Variants in ARNT2 observed in about 807,000 individuals in gnomAD.
The protein encoded by ARNT2 is aryl hydrocarbon receptor nuclear translocator 2.
A neutral mutation model predicts 91.7 loss-of-function variants in ARNT2; 36 were observed. The ratio of observed to expected loss-of-function variants is 0.39; its 90% CI spans 0.30 to 0.52. ARNT2 has a LOEUF of 0.52. Among genes scored for constraint, ARNT2 ranks in the 20% least tolerant of loss-of-function variants. The pLI, the probability that ARNT2 is intolerant of heterozygous loss-of-function variation, is 0.72. For missense variants in ARNT2, 775 were observed against 939.3 expected, an observed-to-expected ratio of 0.83 and a Z score of 2.29; for synonymous variants, 365 against 347.1, an observed-to-expected ratio of 1.05 and a Z score of -0.57.
chr15:80,404,597 C>A lies in ARNT2; in HGVS notation c.31+51C>A. On this transcript the variant is annotated intron_variant, in intron 1 of 18. Transcript: ENST00000303329. The surrounding 1 kb of genome is among the most constrained non-coding windows in gnomAD (Gnocchi z 5.5). ...CCCGCCGCAGCCCGCAGGCCTTGCC[C>A]GGGGCCGGAGCGGACCAGGCGCGCC... is the stretch of plus-strand genomic sequence containing the variant. 2 of 1,035,398 alleles carry A rather than the reference C, an allele frequency of 1.9e-6. No individual in the cohort carries two copies. The highest frequency in any genetic ancestry group is 2.3e-6 in the Non-Finnish European group (2 of 863,082). 64.1% of individuals were successfully genotyped at this position (1,035,398 alleles called of 1,614,324 possible).
chr15:80,554,693 T>G (rs941064731), intron 10 of ARNT2: 1 of 168,674 alleles, frequency 5.9e-6, no homozygotes, highest in African/African-American at 2.4e-5. Context: ...CAATTCCAGT[T>G]TTCATAAGCA....
chr15:80,439,451 TAGCTGA>T (rs1896152838), intron 1 of ARNT2, among the ~76,000 whole-genome samples: 1 of 152,228 alleles, frequency 6.6e-6, no homozygotes, highest in Non-Finnish European at 1.5e-5. Flanking sequence ...GCAAATAGTG[TAGCTGA>T]AGCTGAACTT....
chr15:80,465,152 A>G (rs9972551), intron 3 of ARNT2, among the ~76,000 whole-genome samples: 5,653 of 152,302 alleles, frequency 0.037, 364 homozygotes, highest in African/African-American at 0.13. Flanking sequence ...AACTTGAGCC[A>G]TGCACAGTTT....
chr15:80,419,404 G>C (rs1368040946), intron 1 of ARNT2, among the ~76,000 whole-genome samples: 1 of 152,216 alleles, frequency 6.6e-6, no homozygotes, highest in African/African-American at 2.4e-5. Flanking sequence ...AGGAAATAAA[G>C]GTGGTCGAAC....
chr15:80,530,447 T>C (rs1897719887), intron 8 of ARNT2, among the ~76,000 whole-genome samples: 1 of 152,192 alleles, frequency 6.6e-6, no homozygotes, highest in East Asian at 1.9e-4. Context: ...CCATGGTGGC[T>C]GTAAGCTTGT....
chr15:80,481,047 A>G (rs1271866704), intron 5 of ARNT2, among the ~76,000 whole-genome samples: 2 of 152,132 alleles, frequency 1.3e-5, no homozygotes, highest in African/African-American at 4.8e-5. Context: ...CTTTGTGATA[A>G]TTTGTAGAGA....
At chr15:80,440,968 A>G (rs1896179446) in intron 1 of ARNT2, among the ~76,000 whole-genome samples, 1 of 152,232 alleles carries the variant, frequency 6.6e-6, no homozygotes, top group African/African-American at 2.4e-5. Context: ...TTTGGGAATC[A>G]TGTGCCCTGT....
At chr15:80,505,942 T>TTTTTTTTTTTC in intron 5 of ARNT2, among the ~76,000 whole-genome samples, 1 of 142,694 alleles carries the variant, frequency 7.0e-6, no homozygotes, top group Non-Finnish European at 1.5e-5. Flanking sequence ...TTTTTTTTTT[T>TTTTTTTTTTTC]TTTTTGAGAC....
chr15:80,488,594 A>G (rs1036735276), intron 5 of ARNT2: 1 of 152,058 alleles, frequency 6.6e-6, no homozygotes, highest in Non-Finnish European at 1.5e-5. Context: ...ATTTCTGTGA[A>G]CTCGACTGTA....
intron 5 of ARNT2, among the ~76,000 whole-genome samples, chr15:80,494,217 T>C (rs1314185219): frequency 6.6e-6 from 1 of 152,218 alleles, no homozygotes; most frequent in Non-Finnish European, 1.5e-5. Context: ...TTTGCAGAAA[T>C]ATTTCAATAT....
At chr15:80,470,191 T>G (rs774164049) in intron 3 of ARNT2, 27 bp from the exon 4 acceptor site, 49 of 1,584,944 alleles carry the variant, frequency 3.1e-5, no homozygotes, top group Non-Finnish European at 4.0e-5. Flanking sequence ...TTTTTCCCCC[T>G]CTCCTGATCT....
At chr15:80,560,371 A>G (rs1898312706) in intron 11 of ARNT2, among the ~76,000 whole-genome samples, 1 of 152,184 alleles carries the variant, frequency 6.6e-6, no homozygotes, top group Non-Finnish European at 1.5e-5. Flanking sequence ...CTCAGTTTCC[A>G]GGTTCACAAA....
chr15:80,477,215 A>G (rs573355216), intron 5 of ARNT2, among the ~76,000 whole-genome samples: 97 of 152,328 alleles, frequency 6.4e-4, no homozygotes, highest in Non-Finnish European at 8.1e-4. Flanking sequence ...TGAATTACCC[A>G]GTCTCAGGTA....
chr15:80,483,698 C>T (rs931696179), intron 5 of ARNT2, among the ~76,000 whole-genome samples: 2 of 152,226 alleles, frequency 1.3e-5, no homozygotes, highest in African/African-American at 4.8e-5. Context: ...CTCATCCTGT[C>T]ACCCTGGAAG....
chr15:80,504,587 G>A (rs1347957599), intron 5 of ARNT2, among the ~76,000 whole-genome samples: 2 of 152,078 alleles, frequency 1.3e-5, no homozygotes, highest in Admixed American at 6.5e-5. Context: ...GGGCAACATA[G>A]TGAGTCCTTG....
chr15:80,436,697 A>G lies in ARNT2; in HGVS notation c.32-14183A>G, dbSNP rs558904409. 2.6e-5 allele frequency among the ~76,000 whole-genome samples: 4 copies of G among 152,298 alleles called. No homozygotes were observed. In the East Asian group the frequency reaches 5.8e-4, roughly 22 times the overall value. On this transcript the variant is annotated intron_variant, in intron 1 of 18. Coordinates refer to ENST00000303329, the MANE Select transcript of ARNT2 (RefSeq NM_014862.4). ...GGACAACAATCAGTACACGTGGAGA[A>G]GGGGCACATGTCCCTGGTTATGTGG... is the stretch of plus-strand genomic sequence containing the variant.
chr15:80,531,919 C>T (rs979159337), intron 8 of ARNT2, among the ~76,000 whole-genome samples: 3 of 152,272 alleles, frequency 2.0e-5, no homozygotes, highest in Middle Eastern at 3.4e-3. Context: ...GACCACAGCC[C>T]ACACCCCGCA....
At chr15:80,410,537 C>CAA (rs896039358) in intron 1 of ARNT2, among the ~76,000 whole-genome samples, 2 of 152,120 alleles carry the variant, frequency 1.3e-5, no homozygotes, top group Admixed American at 6.5e-5. Flanking sequence ...GAGAAGGAAA[C>CAA]AAAGAGGGAT....
chr15:80,595,290 G>A lies in ARNT2; in HGVS notation c.*1592G>A, dbSNP rs1736052147. On this transcript the variant is annotated 3_prime_UTR_variant, in exon 19 of 19. Coordinates refer to ENST00000303329, the MANE Select transcript of ARNT2 (RefSeq NM_014862.4). The stretch of plus-strand genomic sequence containing the variant: ...GGCACATGGAGGGACCTACCCTCTG[G>A]GAAAGCCCTTGTGTCCCTCCCAGAG... The A allele has an allele frequency of 6.6e-6, 1 of 152,202 alleles. No individual in the cohort carries two copies. The highest frequency in any genetic ancestry group is 2.4e-5 in the African/African-American group (1 of 41,432). 9.4% of individuals were successfully genotyped at this position (152,202 alleles called of 1,614,324 possible).
Sources: gnomAD v4.1 joint callset for allele counts (sites outside exome capture counted in the v4.1 genomes callset) on GRCh38, gnomAD v4.1.1 for gene constraint, Gnocchi (gnomAD v3.1) non-coding constraint, MANE v1.5 for transcripts, NCBI Gene and HGNC (gene_info 2026-07-23, HGNC 2026-07-21) for gene names.